Variants in FAM117B observed in about 807,000 individuals in gnomAD.
The protein encoded by FAM117B is family with sequence similarity 117 member B.
A neutral mutation model predicts 52.8 loss-of-function variants in FAM117B; 22 were observed. That is an observed-to-expected ratio of 0.42 (90% confidence interval 0.30 to 0.59). FAM117B has a LOEUF of 0.59. Among genes scored for constraint, FAM117B ranks in the 20% least tolerant of loss-of-function variants. FAM117B has a pLI of 0.22. For missense variants in FAM117B, 678 were observed against 802.6 expected (o/e 0.84, Z 1.88); for synonymous variants, 309 against 324.1 (o/e 0.95, Z 0.50).
Position 202,765,722 on chromosome 2 carries a change from T to C in FAM117B, c.1728T>C (p.Ser576=), listed in dbSNP as rs1691967285. Residue 576 remains serine (S), a synonymous_variant, in exon 8 of 8, where the codon TCT becomes TCC. Transcript: ENST00000392238. The stretch of plus-strand genomic sequence containing the variant: ...CAAGTACAGTCATGCCATCAGCTTC[T>C]CTACTCCCACCACCAGAACCAATTG... ...RGTSTVMPSA[S]LLPPPEPIEE... 3 of 1,614,172 alleles carry C rather than the reference T, an allele frequency of 1.9e-6. No homozygotes were observed. Among genetic ancestry groups the C allele is most frequent in the Non-Finnish European group, 1.7e-6 (2 of 1,180,028 alleles).
At chr2:202,707,887 C>T (rs1271438357) in intron 2 of FAM117B, among the ~76,000 whole-genome samples, 1 of 151,650 alleles carries the variant, frequency 6.6e-6, no homozygotes, top group Non-Finnish European at 1.5e-5. Flanking sequence ...CCTGCCTCAG[C>T]CTCCCGAGTA....
intron 1 of FAM117B, among the ~76,000 whole-genome samples, chr2:202,657,183 G>A (rs925269279): frequency 3.3e-5 from 5 of 152,120 alleles, no homozygotes; most frequent in Non-Finnish European, 1.5e-5. Flanking sequence ...CTCCTCTTGG[G>A]TTCAAGCAAT....
intron 1 of FAM117B, among the ~76,000 whole-genome samples, chr2:202,660,683 G>A (rs905435610): frequency 2.6e-5 from 4 of 152,102 alleles, no homozygotes; most frequent in African/African-American, 9.7e-5. Flanking sequence ...ACAAAGCCAG[G>A]ATTTTTAACC....
At chr2:202,745,649 A>C (rs530994843) in intron 4 of FAM117B, among the ~76,000 whole-genome samples, 1 of 152,246 alleles carries the variant, frequency 6.6e-6, no homozygotes, top group East Asian at 1.9e-4. Flanking sequence ...TAGAAGATGT[A>C]GACTGGCTGA....
chr2:202,707,574 G>A (rs577748300), intron 2 of FAM117B, among the ~76,000 whole-genome samples: 13 of 151,864 alleles, frequency 8.6e-5, no homozygotes, highest in South Asian at 2.1e-4. Context: ...GTGTGGTGGC[G>A]TGTGCACTTG....
At chr2:202,649,488 G>C in intron 1 of FAM117B, among the ~76,000 whole-genome samples, 1 of 152,050 alleles carries the variant, frequency 6.6e-6, no homozygotes, top group African/African-American at 2.4e-5. Flanking sequence ...CAAATACTTT[G>C]TTATTCATCA....
chr2:202,691,707 G>A (rs936798928), intron 1 of FAM117B, among the ~76,000 whole-genome samples: 1 of 149,970 alleles, frequency 6.7e-6, no homozygotes, highest in South Asian at 2.1e-4. Context: ...GTGCGCGCGC[G>A]CCTCCCCACC....
intron 1 of FAM117B, among the ~76,000 whole-genome samples, chr2:202,652,379 G>T (rs1689971096): frequency 6.6e-6 from 1 of 152,086 alleles, no homozygotes; most frequent in Non-Finnish European, 1.5e-5. Flanking sequence ...GATTACAGGT[G>T]CGAGCCACCC....
At chr2:202,740,174 CAA>C (rs67479326) in intron 4 of FAM117B, among the ~76,000 whole-genome samples, 14 of 100,610 alleles carry the variant, frequency 1.4e-4, no homozygotes, top group African/African-American at 5.3e-4. Context: ...CTTCATCCCC[CAA>C]AAAAAAAAAA....
intron 1 of FAM117B, among the ~76,000 whole-genome samples, chr2:202,673,541 G>A (rs1352898107): frequency 7.2e-6 from 1 of 138,000 alleles, no homozygotes; most frequent in Non-Finnish European, 1.5e-5. Context: ...TCCGCCTCCT[G>A]GGTTCAAGCG....
chr2:202,649,292 T>C (rs1345514399), intron 1 of FAM117B, among the ~76,000 whole-genome samples: 1 of 152,098 alleles, frequency 6.6e-6, no homozygotes, highest in Non-Finnish European at 1.5e-5. Flanking sequence ...TCTCCTTCCC[T>C]CTCTCTTTTC....
chr2:202,660,308 T>C (rs1162840293), intron 1 of FAM117B, among the ~76,000 whole-genome samples: 1 of 151,952 alleles, frequency 6.6e-6, no homozygotes, highest in Non-Finnish European at 1.5e-5. Flanking sequence ...AATGTTGAGT[T>C]TTTTCTTTTA....
intron 2 of FAM117B, among the ~76,000 whole-genome samples, chr2:202,716,446 G>A (rs1691058308): frequency 1.3e-5 from 2 of 151,486 alleles, no homozygotes; most frequent in Admixed American, 1.3e-4. Flanking sequence ...TTGTTTTGTG[G>A]TCTTCCTTCT....
intron 1 of FAM117B, among the ~76,000 whole-genome samples, chr2:202,667,030 G>A (rs1184776576): frequency 6.6e-6 from 1 of 152,112 alleles, no homozygotes; most frequent in Non-Finnish European, 1.5e-5. Context: ...GATTTTTAAA[G>A]AGTTTAAAAA....
chr2:202,668,650 ATAAAATAAAAG>A (rs1690247815), intron 1 of FAM117B, among the ~76,000 whole-genome samples: 1 of 151,398 alleles, frequency 6.6e-6, no homozygotes, highest in Non-Finnish European at 1.5e-5. Context: ...AAATAAATAA[ATAAAATAAAAG>A]AACATTTTCT....
chr2:202,745,587 A>G (rs1378026919), intron 4 of FAM117B, among the ~76,000 whole-genome samples: 1 of 152,246 alleles, frequency 6.6e-6, no homozygotes, highest in African/African-American at 2.4e-5. Flanking sequence ...AGTGACTGAC[A>G]GGAGTAAGTT....
Position 202,757,275 on chromosome 2 carries a change from G to C in FAM117B, c.1167G>C (p.Thr389=), listed in dbSNP as rs777127432. 1.9e-6 allele frequency: 3 copies of C among 1,613,986 alleles called. No homozygotes were observed. Among genetic ancestry groups the C allele is most frequent in the Admixed American group, 3.3e-5 (2 of 59,990 alleles). ...PPPLVQRSSS[T]RSIDTQTPGG... ...CCCTTGTACAGAGAAGTAGCAGCAC[G>C]CGCAGCATTGACACACAGACGCCTG... Residue 389 remains threonine, a synonymous_variant, in exon 6 of 8, where the codon ACG becomes ACC. Coordinates refer to ENST00000392238, the MANE Select transcript of FAM117B (RefSeq NM_173511.4).
At chr2:202,706,169 G>A (rs762351911) in intron 2 of FAM117B, among the ~76,000 whole-genome samples, 6 of 152,068 alleles carry the variant, frequency 3.9e-5, no homozygotes, top group Non-Finnish European at 7.4e-5. Context: ...GACTACAGTC[G>A]CATGCCCCCA....
At chr2:202,742,360 G>A (rs543418260) in intron 4 of FAM117B, among the ~76,000 whole-genome samples, 118 of 152,336 alleles carry the variant, frequency 7.7e-4, no homozygotes, top group African/African-American at 2.4e-3. Flanking sequence ...AAACTGATCA[G>A]AGGAATGACT....
Sources: gnomAD v4.1 joint callset for allele counts (sites outside exome capture counted in the v4.1 genomes callset) on GRCh38, gnomAD v4.1.1 for gene constraint, MANE v1.5 for transcripts, NCBI Gene and HGNC (gene_info 2026-07-23, HGNC 2026-07-21) for gene names.